The following EIF4E variants were observed in gnomAD, a reference collection of about 807,000 sequenced individuals.
EIF4E encodes the protein eIF-4F 25 kDa subunit.
For missense variants in EIF4E, 113 were observed against 265.6 expected (o/e 0.43, Z 3.99); for synonymous variants, 71 against 88.5 (o/e 0.80, Z 1.11).
intron 6 of EIF4E, among the ~76,000 whole-genome samples, chr4:98,883,245 C>T (rs1161641750): frequency 6.6e-6 from 1 of 152,018 alleles, no homozygotes; most frequent in Admixed American, 6.6e-5. Flanking sequence ...GCACCCCAGC[C>T]TGGGCAACAG....
At chr4:98,881,177 G>C in intron 6 of EIF4E, 35 bp from the exon 7 acceptor site, 1 of 1,601,780 alleles carries the variant, frequency 6.2e-7, no homozygotes, top group Non-Finnish European at 8.5e-7. Context: ...GAAAAAAGTA[G>C]TCATTAACTT....
At chr4:98,925,994 C>T (rs1725848551) in intron 1 of EIF4E, 1 of 151,316 alleles carries the variant, frequency 6.6e-6, no homozygotes, top group African/African-American at 2.5e-5. Context: ...CGCGAGATTC[C>T]ATCTCTACAA....
At chr4:98,913,567 A>G (rs1725243026) in intron 1 of EIF4E, among the ~76,000 whole-genome samples, 1 of 152,174 alleles carries the variant, frequency 6.6e-6, no homozygotes, top group African/African-American at 2.4e-5. Context: ...CAGCCTTCGA[A>G]GTTGCTAGGA....
rs749399620 is a variant in EIF4E at position 98,901,987 on chromosome 4, T to A, written c.19-5A>T. 1.2e-6 allele frequency: 2 copies of A among 1,606,706 alleles called. No homozygotes were observed. Among genetic ancestry groups the A allele is most frequent in the South Asian group, 1.1e-5 (1 of 90,878 alleles). ...ATTAGGAGTAGGGGTGGTTTCCTAG[T>A]GGAAAATAATATAAAACATTATTTT... On this transcript the variant is annotated splice_polypyrimidine_tract_variant and splice_region_variant and intron_variant, in intron 1 of 6. Coordinates refer to ENST00000450253, the MANE Select transcript of EIF4E (RefSeq NM_001968.5).
At position 98,885,095 on chromosome 4, in the gene EIF4E, T is replaced by A. The variant is rs114497468; in HGVS notation, c.400-34A>T. 7.5e-4 allele frequency: 1,201 copies of A among 1,597,646 alleles called. 10 individuals are homozygous for A. The African/African-American group carries it at 0.015, about 19-fold the overall frequency. ...AAAATCCCAAATTACATTTAATAGA[T>A]TATAAACAAGCTCATTACACTGCAA... On this transcript the variant is annotated intron_variant, in intron 5 of 6. Coordinates refer to ENST00000450253, the MANE Select transcript of EIF4E (RefSeq NM_001968.5).
At position 98,901,904 on chromosome 4, in the gene EIF4E, G is replaced by A; in HGVS notation, c.97C>T (p.His33Tyr). ...ESNQEVANPE[H>Y]YIKHPLQNRW... is the part of the protein sequence containing the mutation. ...TTCTGTAGGGGATGTTTAATATAGT[G>A]TTCTGGGTTAGCAACCTCCTGATTA... is the stretch of plus-strand genomic sequence containing the variant. The change falls in exon 2 of 7, where the codon CAC (histidine) becomes TAC (tyrosine). Residue 33 changes from histidine to tyrosine, a missense_variant. Physicochemically the swap from His to Tyr is moderately conservative, Grantham distance 83. Transcript: ENST00000450253. 1 of 1,612,402 alleles carries A rather than the reference G, an allele frequency of 6.2e-7. No individual in the cohort carries two copies. The highest frequency in any genetic ancestry group is 1.1e-5 in the South Asian group (1 of 91,010).
At chr4:98,914,361 C>CAAAAAAAAAAAAAAAA (rs1159581783) in intron 1 of EIF4E, among the ~76,000 whole-genome samples, 1 of 34,830 alleles carries the variant, frequency 2.9e-5, no homozygotes, top group African/African-American at 1.0e-4. Context: ...GACTCCGTCT[C>CAAAAAAAAAAAAAAAA]AAAAAAAAAA....
At chr4:98,896,486 CAAAAAAAAAAAA>C (rs59729154) in intron 2 of EIF4E, among the ~76,000 whole-genome samples, 2 of 39,024 alleles carry the variant, frequency 5.1e-5, no homozygotes, top group Admixed American at 3.7e-4. Flanking sequence ...CCGCATCTCT[CAAAAAAAAAAAA>C]AAAAAAAAAA....
At chr4:98,891,388 A>T in intron 2 of EIF4E, 56 bp from the exon 3 acceptor site, 2 of 1,504,616 alleles carry the variant, frequency 1.3e-6, no homozygotes, top group Non-Finnish European at 1.8e-6. Flanking sequence ...TGTTAAAAGC[A>T]ACATTATTCA....
At chr4:98,884,126 G>A (rs761954423) in intron 6 of EIF4E, among the ~76,000 whole-genome samples, 2 of 151,616 alleles carry the variant, frequency 1.3e-5, no homozygotes, top group Admixed American at 1.3e-4. Context: ...TTTAAACATG[G>A]AACAAAAACC....
intron 1 of EIF4E, among the ~76,000 whole-genome samples, chr4:98,912,262 AAAG>A (rs1020671366): frequency 1.3e-5 from 2 of 150,792 alleles, no homozygotes; most frequent in African/African-American, 2.4e-5. Flanking sequence ...CGAAAAAAAA[AAAG>A]AAGAAAAAGA....
intron 1 of EIF4E, among the ~76,000 whole-genome samples, chr4:98,915,009 T>C (rs1404823933): frequency 6.6e-6 from 1 of 152,184 alleles, no homozygotes. Context: ...AGTGGCACAA[T>C]CACAGCTCAC....
intron 1 of EIF4E, chr4:98,909,881 G>C (rs1270112382): frequency 8.2e-6 from 5 of 606,938 alleles, no homozygotes; most frequent in Non-Finnish European, 5.8e-6. Flanking sequence ...GGGTGGGACA[G>C]AGAGCCAGGG....
intron 1 of EIF4E, among the ~76,000 whole-genome samples, chr4:98,907,307 ACCCTATTTC>A (rs1724914686): frequency 6.6e-6 from 1 of 152,074 alleles, no homozygotes; most frequent in African/African-American, 2.4e-5. Context: ...ACTCCCAGAT[ACCCTATTTC>A]CCCTTTTCTG....
intron 1 of EIF4E, chr4:98,903,410 T>C (rs1724731417): frequency 2.2e-6 from 1 of 453,954 alleles, no homozygotes; most frequent in Non-Finnish European, 4.4e-6. Flanking sequence ...GTCTCACTCA[T>C]AGCTCACTGC....
Position 98,901,945 on chromosome 4 carries a change from T to C in EIF4E, c.56A>G (p.Glu19Gly). Residue 19 changes from glutamate to glycine, a missense_variant, in exon 2 of 7, where the codon GAG becomes GGG. By Grantham distance (98) the Glu-to-Gly change is moderately conservative. Transcript: ENST00000450253. ...TPTPNPPTTE[E>G]EKTESNQEVA... Reference sequence around the variant, plus strand: ...CTCCTGATTAGATTCCGTTTTCTCCTCTTCTGTAGTCGGGGGATTAGGAGT... The same window carrying C: ...CTCCTGATTAGATTCCGTTTTCTCCCCTTCTGTAGTCGGGGGATTAGGAGT... 3 of 1,613,460 alleles carry C rather than the reference T, an allele frequency of 1.9e-6. No homozygotes were observed. The highest frequency in any genetic ancestry group is 2.5e-6 in the Non-Finnish European group (3 of 1,179,926).
chr4:98,887,921 A>G lies in EIF4E; in HGVS notation c.253T>C (p.Leu85=). ...AGTGAGTAGTCACAGCCAGGCATTAAATTACTAGACAACTGGATATGGTTG... is the reference window on the plus strand; with the variant it reads ...AGTGAGTAGTCACAGCCAGGCATTAGATTACTAGACAACTGGATATGGTTG... ...LYNHIQLSSN[L]MPGCDYSLFK... Residue 85 remains leucine (L), a synonymous_variant, in exon 4 of 7, where the codon TTA becomes CTA. Transcript: ENST00000450253. This position sits in a 1 kb window ranked among gnomAD's most constrained non-coding sequence, Gnocchi z 4.0. 1 of 1,612,914 alleles carries G rather than the reference A, an allele frequency of 6.2e-7. No homozygotes were observed.
At chr4:98,890,275 G>A (rs1198901876) in intron 3 of EIF4E, among the ~76,000 whole-genome samples, 2 of 152,108 alleles carry the variant, frequency 1.3e-5, no homozygotes, top group African/African-American at 2.4e-5. Context: ...TAAAACATAA[G>A]AGTAGCATCA....
intron 6 of EIF4E, among the ~76,000 whole-genome samples, chr4:98,883,511 GC>G (rs1723790162): frequency 6.9e-6 from 1 of 143,978 alleles, no homozygotes; most frequent in Admixed American, 7.6e-5. Flanking sequence ...CCATTCTCCT[GC>G]CTCAGTCTCC....
Sources: allele counts gnomAD v4.1 joint callset (sites outside exome capture counted in the v4.1 genomes callset), GRCh38; gene constraint gnomAD v4.1.1; non-coding constraint Gnocchi (gnomAD v3.1); transcripts MANE v1.5; gene names NCBI Gene and HGNC (gene_info 2026-07-23, HGNC 2026-07-21).